The following CSMD3 variants were observed in gnomAD, a reference collection of about 807,000 sequenced individuals.
The protein encoded by CSMD3 is CUB and sushi domain-containing protein 3.
Under a neutral mutation model 435.2 loss-of-function variants are expected in CSMD3, and 177 were observed. That is an observed-to-expected ratio of 0.41 (90% CI 0.36 to 0.46). CSMD3 has a LOEUF of 0.46. Among genes scored for constraint, CSMD3 ranks in the 20% least tolerant of loss-of-function variants. CSMD3 has a pLI of 0.34. For synonymous variants in CSMD3, 1,656 were observed against 1,520.5 expected, an observed-to-expected ratio of 1.09 and a Z score of -2.07; for missense variants, 4,265 against 4,504.6, an observed-to-expected ratio of 0.95 and a Z score of 1.52.
chr8:113,264,503 C>T (rs1480617203), intron 3 of CSMD3, among the ~76,000 whole-genome samples: 1 of 150,954 alleles, frequency 6.6e-6, no homozygotes, highest in African/African-American at 2.4e-5. Context: ...TTATGCCATC[C>T]CATCTTTTTC....
intron 2 of CSMD3, among the ~76,000 whole-genome samples, chr8:113,287,838 A>T (rs2093657804): frequency 6.6e-6 from 1 of 151,984 alleles, no homozygotes; most frequent in Admixed American, 6.6e-5. Context: ...AATTCTGCAA[A>T]TTCTTGATTA....
At chr8:112,361,558 T>G (rs1400710834) in intron 38 of CSMD3, among the ~76,000 whole-genome samples, 1 of 140,306 alleles carries the variant, frequency 7.1e-6, no homozygotes, top group East Asian at 2.1e-4. Flanking sequence ...TGTGTATGTA[T>G]ATATATACAC....
At chr8:112,359,573 C>A (rs1276769692) in intron 38 of CSMD3, among the ~76,000 whole-genome samples, 2 of 152,074 alleles carry the variant, frequency 1.3e-5, no homozygotes, top group Non-Finnish European at 2.9e-5. Flanking sequence ...CAAAGGAAAG[C>A]TATCTAATAA....
chr8:112,759,392 G>T (rs1051310643), intron 13 of CSMD3, among the ~76,000 whole-genome samples: 1 of 152,062 alleles, frequency 6.6e-6, no homozygotes, highest in Non-Finnish European at 1.5e-5. Flanking sequence ...AGAACTCAGG[G>T]TTCGTAAATA....
chr8:113,315,629 A>G (rs2093903548), intron 1 of CSMD3, among the ~76,000 whole-genome samples: 1 of 146,768 alleles, frequency 6.8e-6, no homozygotes, highest in Non-Finnish European at 1.5e-5. Context: ...TATATCACAA[A>G]TATATATCAA....
intron 4 of CSMD3, among the ~76,000 whole-genome samples, chr8:113,118,382 T>C (rs1210485243): frequency 6.6e-6 from 1 of 152,182 alleles, no homozygotes; most frequent in African/African-American, 2.4e-5. Flanking sequence ...TGAGAGGCAG[T>C]AATGTGCTGA....
intron 25 of CSMD3, among the ~76,000 whole-genome samples, chr8:112,555,555 A>G (rs972528580): frequency 1.3e-5 from 2 of 151,920 alleles, no homozygotes; most frequent in Non-Finnish European, 2.9e-5. Flanking sequence ...CACCCTCACA[A>G]TCTCTCCAAA....
At chr8:113,345,623 T>C (rs866684835) in intron 1 of CSMD3, among the ~76,000 whole-genome samples, 8 of 152,234 alleles carry the variant, frequency 5.3e-5, no homozygotes, top group African/African-American at 1.4e-4. Context: ...AAATTTGTCA[T>C]TTACCATTTA....
chr8:113,403,065 T>C (rs960645205), intron 1 of CSMD3, among the ~76,000 whole-genome samples: 2 of 151,344 alleles, frequency 1.3e-5, no homozygotes, highest in African/African-American at 4.8e-5. Flanking sequence ...GACAAAACTA[T>C]CTTTAGAATC....
chr8:112,502,902 T>G (rs2130910009), intron 30 of CSMD3, among the ~76,000 whole-genome samples: 1 of 152,264 alleles, frequency 6.6e-6, no homozygotes, highest in Non-Finnish European at 1.5e-5. Context: ...AAAAATAAAT[T>G]TAAATTTTAC....
At chr8:112,488,921 A>G (rs915556686) in intron 31 of CSMD3, among the ~76,000 whole-genome samples, 13 of 152,146 alleles carry the variant, frequency 8.5e-5, no homozygotes, top group African/African-American at 2.9e-4. Flanking sequence ...TCAGCTTCTG[A>G]CCAATAAGAG....
rs544825824 is a variant in CSMD3 at position 112,488,006 on chromosome 8, G to T, written c.5278+4483C>A. On this transcript the variant is annotated intron_variant, in intron 31 of 70. Coordinates refer to ENST00000297405, the MANE Select transcript of CSMD3 (RefSeq NM_198123.2). ...AATTTTTTTAATCACAAAAGGAATT[G>T]TAGGCACAGATATGCTGTTCTGCTA... Among the ~76,000 whole-genome samples the T allele has an allele frequency of 2.0e-5, 3 of 152,226 alleles. No individual in the cohort carries two copies. In the East Asian group the frequency reaches 5.8e-4, roughly 29 times the overall value.
chr8:113,312,106 T>C (rs2093874189), intron 2 of CSMD3: 1 of 152,096 alleles, frequency 6.6e-6, no homozygotes, highest in African/African-American at 2.4e-5. Context: ...ACTTTGGAGA[T>C]TGTGTCTAAC....
intron 12 of CSMD3, among the ~76,000 whole-genome samples, chr8:112,826,696 T>C (rs1039481063): frequency 2.0e-5 from 3 of 152,158 alleles, no homozygotes; most frequent in Non-Finnish European, 4.4e-5. Flanking sequence ...CGATTGCCAG[T>C]GCAGGATTTG....
At chr8:113,153,408 T>A (rs1210260897) in intron 4 of CSMD3, among the ~76,000 whole-genome samples, 1 of 152,008 alleles carries the variant, frequency 6.6e-6, no homozygotes, top group Non-Finnish European at 1.5e-5. Flanking sequence ...GAGGCATAAT[T>A]AAGGGAACAA....
At chr8:113,231,420 G>C (rs2093085181) in intron 3 of CSMD3, among the ~76,000 whole-genome samples, 1 of 151,278 alleles carries the variant, frequency 6.6e-6, no homozygotes, top group Non-Finnish European at 1.5e-5. Flanking sequence ...CTAAAATGTA[G>C]GGGCATTTAA....
At chr8:112,681,274 A>G in intron 16 of CSMD3, among the ~76,000 whole-genome samples, 1 of 151,164 alleles carries the variant, frequency 6.6e-6, no homozygotes, top group South Asian at 2.1e-4. Context: ...GAATGGTCTC[A>G]ATCTCCTGAT....
intron 1 of CSMD3, among the ~76,000 whole-genome samples, chr8:113,376,409 T>C (rs1258844173): frequency 6.6e-6 from 1 of 152,148 alleles, no homozygotes; most frequent in Admixed American, 6.5e-5. Flanking sequence ...ATATTTTGAT[T>C]CAAATAATAA....
chr8:112,962,771 T>C (rs767004732), intron 7 of CSMD3, among the ~76,000 whole-genome samples: 2 of 151,944 alleles, frequency 1.3e-5, no homozygotes, highest in Admixed American at 6.6e-5. Flanking sequence ...ATCATACCCA[T>C]CTATGTTTTA....
Sources: allele counts gnomAD v4.1 joint callset (sites outside exome capture counted in the v4.1 genomes callset), GRCh38; gene constraint gnomAD v4.1.1; transcripts MANE v1.5; gene names NCBI Gene and HGNC (gene_info 2026-07-23, HGNC 2026-07-21).